The following MRC1 variants were observed in gnomAD, a reference collection of about 807,000 sequenced individuals.
The protein encoded by MRC1 is macrophage mannose receptor 1.
Under a neutral mutation model 102.9 loss-of-function variants are expected in MRC1, and 62 were observed. The ratio of observed to expected loss-of-function variants is 0.60; its 90% CI spans 0.49 to 0.74. The LOEUF (loss-of-function observed/expected upper bound fraction) is 0.74. Among genes scored for constraint, MRC1 ranks in the 30% least tolerant of loss-of-function variants. The pLI is 0.00. For missense variants in MRC1, 1,237 were observed against 862.8 expected, an observed-to-expected ratio of 1.43 and a Z score of -5.43; for synonymous variants, 457 against 298.4, an observed-to-expected ratio of 1.53 and a Z score of -5.48.
intron 1 of MRC1, among the ~76,000 whole-genome samples, chr10:17,817,038 A>T (rs1165657903): frequency 1.3e-5 from 2 of 152,152 alleles, no homozygotes; most frequent in African/African-American, 2.4e-5. Flanking sequence ...ACTTGAGATC[A>T]GGAGTTCGAG....
intron 12 of MRC1, among the ~76,000 whole-genome samples, chr10:17,868,630 T>C (rs1833312446): frequency 1.3e-5 from 2 of 152,244 alleles, no homozygotes; most frequent in Admixed American, 1.3e-4. Context: ...GTACTTCTTT[T>C]ATTCAATCTC....
chr10:17,815,590 T>G (rs1276877082), intron 1 of MRC1, among the ~76,000 whole-genome samples: 1 of 152,076 alleles, frequency 6.6e-6, no homozygotes, highest in Non-Finnish European at 1.5e-5. Context: ...CCCGGGAAGG[T>G]GTAGATATTC....
In MRC1 at chr10:17,809,394, G is replaced by T. The variant is rs982152053; in HGVS notation, c.-72G>T. The T allele has an allele frequency of 8.1e-6, 7 of 859,374 alleles. No homozygotes were observed. The African/African-American group carries it at 9.8e-5, about 12-fold the overall frequency. The allele number at this position is 859,374 out of a possible 1,614,324, so 53.2% of individuals were successfully genotyped here. On this transcript the variant is annotated 5_prime_UTR_variant, in exon 1 of 30. Transcript: ENST00000569591. ...TTGGATTAGGTGGAGAGGCAGTTGG[G>T]GGGCCTCGTTGTTTTGCGTCTTAGT...
intron 2 of MRC1, among the ~76,000 whole-genome samples, chr10:17,823,946 A>G (rs572024358): frequency 5.3e-5 from 8 of 152,330 alleles, no homozygotes; most frequent in African/African-American, 1.9e-4. Context: ...CCTTGGCGAC[A>G]TGGGATTCTA....
intron 1 of MRC1, among the ~76,000 whole-genome samples, chr10:17,818,426 A>T (rs1197460780): frequency 6.6e-6 from 1 of 152,226 alleles, no homozygotes; most frequent in Non-Finnish European, 1.5e-5. Flanking sequence ...ATTAGTAAAC[A>T]AATTGAAGAA....
intron 22 of MRC1, among the ~76,000 whole-genome samples, chr10:17,892,368 A>G (rs1420828684): frequency 3.9e-5 from 6 of 152,180 alleles, no homozygotes; most frequent in Non-Finnish European, 7.3e-5. Flanking sequence ...GACATTTAGT[A>G]TCTCCTACCT....
Position 17,877,967 on chromosome 10 carries a change from C to T in MRC1, c.2618C>T (p.Ala873Val), listed in dbSNP as rs933224422. The T allele has an allele frequency of 1.7e-5, 15 of 871,776 alleles. No homozygotes were observed. The highest frequency in any genetic ancestry group is 7.2e-5 in the East Asian group (3 of 41,558). 54.0% of individuals were successfully genotyped at this position (871,776 alleles called of 1,614,324 possible). A position where few individuals can be genotyped will look rare whatever the true frequency, so the allele number is the denominator to read the frequency against. The change falls in exon 18 of 30, where the codon GCT (alanine) becomes GTT (valine). Residue 873 changes from alanine to valine, a missense_variant and splice_region_variant. Physicochemically the swap from Ala to Val is moderately conservative, Grantham distance 64. Transcript: ENST00000569591. ...TTGATCAGCTTGGATAAAAAGTTTG[C>T]GTAAGTAAATCAAGCTAAAAACAAC... is the stretch of plus-strand genomic sequence containing the variant. Reference protein sequence around the residue: ...GLLISLDKKFAWMDGSKVDYV... With the variant: ...GLLISLDKKFVWMDGSKVDYV...
Position 17,893,521 on chromosome 10 carries a change from G to A in MRC1, c.3148-689G>A, listed in dbSNP as rs1833710579. Among the ~76,000 whole-genome samples, 3 of 152,078 alleles carry A rather than the reference G, an allele frequency of 2.0e-5. No homozygotes were observed. In the South Asian group the frequency reaches 6.2e-4, roughly 32 times the overall value. ...TAAAGTGTAGATAGTACATTGAAAT[G>A]GGGCAGGCAGCATGTGTTTCTCTTA... On this transcript the variant is annotated intron_variant, in intron 22 of 29. Transcript: ENST00000569591.
In MRC1 at chr10:17,897,879, A is replaced by G. The variant is rs1393306775; in HGVS notation, c.3251-155A>G. ...ACTGATGAAAAAATGTTTGTTTTCT[A>G]GTGTGAAATGGCTTATAAAATATTT... On this transcript the variant is annotated intron_variant, in intron 23 of 29. Transcript: ENST00000569591. Among the ~76,000 whole-genome samples the G allele has an allele frequency of 7.2e-5, 11 of 152,352 alleles. 1 individual carries two copies. The East Asian group carries it at 2.1e-3, about 29-fold the overall frequency.
chr10:17,821,606 C>A (rs568532150), intron 1 of MRC1, among the ~76,000 whole-genome samples: 1 of 151,904 alleles, frequency 6.6e-6, no homozygotes, highest in African/African-American at 2.4e-5. Context: ...TACAGAGGAG[C>A]GTGTCAGGAG....
intron 29 of MRC1, 41 bp downstream of exon 29, chr10:17,909,388 C>A: frequency 9.5e-6 from 8 of 838,848 alleles, no homozygotes; most frequent in Non-Finnish European, 1.7e-5. Flanking sequence ...GTTAGTAATA[C>A]ATCCGTACTG....
intron 5 of MRC1, among the ~76,000 whole-genome samples, chr10:17,841,038 A>C (rs1838741996): frequency 6.6e-6 from 1 of 152,224 alleles, no homozygotes; most frequent in Non-Finnish European, 1.5e-5. Flanking sequence ...CACACAAAAC[A>C]ATAAAGGTCT....
At chr10:17,876,246 CTTT>C (rs1323985210) in intron 17 of MRC1, among the ~76,000 whole-genome samples, 1 of 138,718 alleles carries the variant, frequency 7.2e-6, no homozygotes, top group Non-Finnish European at 1.6e-5. Flanking sequence ...AACTCAGAAT[CTTT>C]TTTTTTTTTT....
At chr10:17,864,285 G>A (rs1004320132) in intron 11 of MRC1, among the ~76,000 whole-genome samples, 339 of 152,254 alleles carry the variant, frequency 2.2e-3, no homozygotes, top group African/African-American at 8.0e-3. Flanking sequence ...TTACAGGCAT[G>A]AGCCACTGCG....
At chr10:17,841,291 G>A (rs1169903941) in intron 5 of MRC1, among the ~76,000 whole-genome samples, 3 of 152,180 alleles carry the variant, frequency 2.0e-5, no homozygotes, top group Non-Finnish European at 4.4e-5. Context: ...TGTACCTTGA[G>A]TCATGAGGTA....
At position 17,849,610 on chromosome 10, in the gene MRC1, G is replaced by C; in HGVS notation, c.1095G>C (p.Gln365His). ...ATGTGCCTACTCACTGTCCTAGTCA[G>C]TGGTGGCCGTATGCCGGTCACTGTT... Reference protein sequence around the residue: ...ESDVPTHCPSQWWPYAGHCYK... With the variant: ...ESDVPTHCPSHWWPYAGHCYK... Residue 365 changes from glutamine (Q) to histidine (H), a missense_variant, in exon 7 of 30, where the codon CAG becomes CAC. Physicochemically the swap from Gln to His is conservative, Grantham distance 24. Transcript: ENST00000569591. 1 of 780,838 alleles carries C rather than the reference G, an allele frequency of 1.3e-6. No homozygotes were observed. Among genetic ancestry groups the C allele is most frequent in the Non-Finnish European group, 2.4e-6 (1 of 418,078 alleles). 48.4% of individuals were successfully genotyped at this position (780,838 alleles called of 1,614,324 possible).
intron 16 of MRC1, among the ~76,000 whole-genome samples, chr10:17,874,354 C>T (rs1245940667): frequency 2.0e-5 from 3 of 152,164 alleles, no homozygotes; most frequent in Non-Finnish European, 4.4e-5. Flanking sequence ...CATCTTCTTC[C>T]AGTGATCACA....
At chr10:17,837,934 G>C (rs1838694227) in intron 4 of MRC1, among the ~76,000 whole-genome samples, 1 of 151,768 alleles carries the variant, frequency 6.6e-6, no homozygotes, top group Non-Finnish European at 1.5e-5. Context: ...GTAGAACCTG[G>C]TTTGATGACT....
intron 4 of MRC1, among the ~76,000 whole-genome samples, chr10:17,837,963 A>G (rs2130620764): frequency 6.6e-6 from 1 of 152,122 alleles, no homozygotes; most frequent in African/African-American, 2.4e-5. Context: ...ATTGTCTGCC[A>G]ATTACTGAAG....
Sources: gnomAD v4.1 joint callset for allele counts (sites outside exome capture counted in the v4.1 genomes callset) on GRCh38, gnomAD v4.1.1 for gene constraint, MANE v1.5 for transcripts, NCBI Gene and HGNC (gene_info 2026-07-23, HGNC 2026-07-21) for gene names.